RIMS1: variants seen among roughly 807,000 people sequenced by gnomAD.
The protein encoded by RIMS1 is regulating synaptic membrane exocytosis protein 1.
Under a neutral mutation model 214.1 loss-of-function variants are expected in RIMS1, and 83 were observed. The ratio of observed to expected loss-of-function variants is 0.39; its 90% CI spans 0.32 to 0.47. The LOEUF (loss-of-function observed/expected upper bound fraction) is 0.47. RIMS1 is among the 20% of genes least tolerant of loss of function. The pLI is 0.99. For missense variants in RIMS1, 2,050 were observed against 2,161.8 expected (o/e 0.95, Z 1.03); for synonymous variants, 793 against 786.8 (o/e 1.01, Z -0.13).
intron 1 of RIMS1, among the ~76,000 whole-genome samples, chr6:71,965,071 C>T (rs1404667880): frequency 6.6e-6 from 1 of 152,142 alleles, no homozygotes; most frequent in Non-Finnish European, 1.5e-5. Context: ...TACAATAACA[C>T]TTGGGAAGTA....
At chr6:72,041,017 A>C (rs1265766766) in intron 2 of RIMS1, among the ~76,000 whole-genome samples, 1 of 151,912 alleles carries the variant, frequency 6.6e-6, no homozygotes, top group Admixed American at 6.6e-5. Flanking sequence ...ATACAAATTG[A>C]CCTTTAATAT....
At chr6:72,400,286 C>T (rs879507544) in intron 33 of RIMS1, among the ~76,000 whole-genome samples, 11 of 152,150 alleles carry the variant, frequency 7.2e-5, no homozygotes, top group Non-Finnish European at 1.3e-4. Flanking sequence ...ATCCTTCATT[C>T]CATCAGACTA....
At chr6:72,025,085 G>T (rs1487970682) in intron 2 of RIMS1, among the ~76,000 whole-genome samples, 1 of 151,838 alleles carries the variant, frequency 6.6e-6, no homozygotes, top group African/African-American at 2.4e-5. Flanking sequence ...TGTATTTTTA[G>T]TAGAGACAGG....
At chr6:72,300,615 A>T (rs964534593) in intron 26 of RIMS1, among the ~76,000 whole-genome samples, 2 of 151,786 alleles carry the variant, frequency 1.3e-5, no homozygotes, top group East Asian at 3.9e-4. Context: ...TAAAAATTGT[A>T]TTTGAAGTGC....
intron 4 of RIMS1, among the ~76,000 whole-genome samples, chr6:72,129,369 TGA>T (rs750471041): frequency 4.6e-5 from 7 of 152,190 alleles, no homozygotes; most frequent in Middle Eastern, 3.4e-3. Flanking sequence ...TTTAGGATGA[TGA>T]GATTAGTGAC....
intron 6 of RIMS1, among the ~76,000 whole-genome samples, chr6:72,193,391 A>C (rs1192942147): frequency 6.6e-6 from 1 of 152,218 alleles, no homozygotes. Flanking sequence ...TTCTCAAATA[A>C]ATTGTGTGAC....
chr6:71,973,186 G>A (rs901030238), intron 2 of RIMS1, among the ~76,000 whole-genome samples: 2 of 152,220 alleles, frequency 1.3e-5, no homozygotes, highest in Non-Finnish European at 2.9e-5. Context: ...GGGATTACAG[G>A]TGTGAGCCAC....
chr6:72,348,142 A>G (rs534637890), intron 29 of RIMS1, among the ~76,000 whole-genome samples: 7 of 151,952 alleles, frequency 4.6e-5, no homozygotes, highest in Non-Finnish European at 1.0e-4. Context: ...TTTTTCTTCT[A>G]TGTTTGGTTT....
intron 29 of RIMS1, among the ~76,000 whole-genome samples, chr6:72,372,354 T>C (rs1468574054): frequency 1.3e-5 from 2 of 152,232 alleles, no homozygotes; most frequent in Non-Finnish European, 2.9e-5. Flanking sequence ...GTTAATGTAC[T>C]CCTGAGATAA....
chr6:72,189,446 T>C (rs2049696054), intron 6 of RIMS1, among the ~76,000 whole-genome samples: 1 of 152,152 alleles, frequency 6.6e-6, no homozygotes, highest in Non-Finnish European at 1.5e-5. Context: ...GATAAGGCAT[T>C]CCATGAGTCC....
intron 1 of RIMS1, among the ~76,000 whole-genome samples, chr6:71,918,272 G>A (rs1371655684): frequency 1.3e-5 from 2 of 152,108 alleles, no homozygotes; most frequent in Admixed American, 1.3e-4. Flanking sequence ...TGATCAATGA[G>A]ACAGAAGATG....
chr6:72,044,762 C>A (rs1465629753), intron 2 of RIMS1, among the ~76,000 whole-genome samples: 1 of 151,836 alleles, frequency 6.6e-6, no homozygotes, highest in Non-Finnish European at 1.5e-5. Context: ...ATGTTGGGAA[C>A]ATAAAATGGA....
intron 22 of RIMS1, among the ~76,000 whole-genome samples, chr6:72,271,269 GAAAAAAAA>G (rs1159251437): frequency 1.3e-4 from 7 of 52,786 alleles, no homozygotes; most frequent in South Asian, 7.7e-4. Context: ...CCATCTCAAG[GAAAAAAAA>G]AAAAAAAAAA....
chr6:71,913,543 T>G (rs972637153), intron 1 of RIMS1, among the ~76,000 whole-genome samples: 1 of 152,106 alleles, frequency 6.6e-6, no homozygotes, highest in African/African-American at 2.4e-5. Flanking sequence ...GTAACACCCT[T>G]AAATAGAAAA....
intron 4 of RIMS1, among the ~76,000 whole-genome samples, chr6:72,163,585 T>TA (rs2045796202): frequency 7.1e-6 from 1 of 141,018 alleles, no homozygotes; most frequent in Non-Finnish European, 1.6e-5. Context: ...TTCTGTTTGT[T>TA]AGTTTTCCTT....
chr6:71,919,265 A>C (rs774266794), intron 1 of RIMS1, among the ~76,000 whole-genome samples: 1 of 152,100 alleles, frequency 6.6e-6, no homozygotes, highest in Non-Finnish European at 1.5e-5. Context: ...AAACTAATAG[A>C]GATTCAGTCA....
At chr6:72,180,361 CAGG>C (rs1334075070) in intron 5 of RIMS1, among the ~76,000 whole-genome samples, 1 of 152,072 alleles carries the variant, frequency 6.6e-6, no homozygotes, top group Non-Finnish European at 1.5e-5. Context: ...TGAAATTAAC[CAGG>C]AGAAGGGAAG....
At chr6:72,157,175 C>A (rs1318348581) in intron 4 of RIMS1, among the ~76,000 whole-genome samples, 1 of 140,654 alleles carries the variant, frequency 7.1e-6, no homozygotes, top group Non-Finnish European at 1.6e-5. Flanking sequence ...TTATACAATT[C>A]TGGAAAACCT....
intron 29 of RIMS1, among the ~76,000 whole-genome samples, chr6:72,353,770 T>C (rs2097541392): frequency 6.6e-6 from 1 of 152,216 alleles, no homozygotes; most frequent in South Asian, 2.1e-4. Flanking sequence ...GGCATGTACA[T>C]TTATATATCA....
Sources: allele counts gnomAD v4.1 joint callset (sites outside exome capture counted in the v4.1 genomes callset), GRCh38; gene constraint gnomAD v4.1.1; transcripts MANE v1.5; gene names NCBI Gene and HGNC (gene_info 2026-07-23, HGNC 2026-07-21).